ADCY10: variants seen among roughly 807,000 people sequenced by gnomAD.
ADCY10 encodes the protein adenylate cyclase 10.
Under a neutral mutation model 183.3 loss-of-function variants are expected in ADCY10, and 156 were observed. The observed-to-expected ratio is 0.85, with a 90% CI of 0.75 to 0.97. The LOEUF (loss-of-function observed/expected upper bound fraction) is 0.97. ADCY10 is among the 50% of genes least tolerant of loss of function. ADCY10 has a pLI of 0.00. For synonymous variants in ADCY10, 645 were observed against 670.0 expected (o/e 0.96, Z 0.58); for missense variants, 1,745 against 1,934.3 (o/e 0.90, Z 1.84).
intron 30 of ADCY10, chr1:167,820,573 G>A (rs962046143): frequency 2.2e-5 from 6 of 269,826 alleles, no homozygotes; most frequent in African/African-American, 1.3e-4. Context: ...TAAGTTATTT[G>A]ATTTTGAACT....
chr1:167,814,422 A>C (rs1212620971), intron 31 of ADCY10, among the ~76,000 whole-genome samples: 1 of 151,686 alleles, frequency 6.6e-6, no homozygotes, highest in Non-Finnish European at 1.5e-5. Context: ...ATATATAACA[A>C]TTATAAACAT....
intron 11 of ADCY10, among the ~76,000 whole-genome samples, chr1:167,879,366 AG>A (rs1296934045): frequency 1.3e-5 from 2 of 152,190 alleles, no homozygotes; most frequent in Non-Finnish European, 2.9e-5. Flanking sequence ...ACTACAAATG[AG>A]GTAGCAAATG....
At chr1:167,818,484 GAATCCTTGGAA>G (rs1662668298) in intron 30 of ADCY10, 1 of 647,036 alleles carries the variant, frequency 1.5e-6, no homozygotes, top group South Asian at 1.5e-5. Context: ...GAGATGAATA[GAATCCTTGGAA>G]ACACTCAGGT....
At chr1:167,858,875 G>A (rs1278154524) in intron 16 of ADCY10, among the ~76,000 whole-genome samples, 2 of 151,562 alleles carry the variant, frequency 1.3e-5, no homozygotes, top group Non-Finnish European at 2.9e-5. Flanking sequence ...AGAGTTTTTT[G>A]GAAAGCTATG....
At chr1:167,829,238 T>G in intron 26 of ADCY10, 29 bp downstream of exon 26, 1 of 1,613,466 alleles carries the variant, frequency 6.2e-7, no homozygotes, top group Non-Finnish European at 8.5e-7. Context: ...ATTCAGAAAC[T>G]TAAAGGAGCA....
chr1:167,816,819 T>C (rs898082982), intron 31 of ADCY10, among the ~76,000 whole-genome samples: 11 of 152,010 alleles, frequency 7.2e-5, no homozygotes, highest in African/African-American at 2.7e-4. Context: ...AGAAATTCTT[T>C]AGAGAGAAGG....
chr1:167,901,638 A>G lies in ADCY10; in HGVS notation c.436+24T>C, dbSNP rs977424665. 3.1e-6 allele frequency: 5 copies of G among 1,612,940 alleles called. No homozygotes were observed. The East Asian group carries it at 1.1e-4, about 36-fold the overall frequency. On this transcript the variant is annotated intron_variant, in intron 5 of 32. Coordinates refer to ENST00000367851, the MANE Select transcript of ADCY10 (RefSeq NM_018417.6). ...AAGACCCTATCCCAGCTGCCGTAGGATTTATTCCTTCTCAAATGCTTACCT... is the reference window on the plus strand; with the variant it reads ...AAGACCCTATCCCAGCTGCCGTAGGGTTTATTCCTTCTCAAATGCTTACCT...
intron 21 of ADCY10, among the ~76,000 whole-genome samples, chr1:167,840,155 C>T (rs573341971): frequency 2.6e-5 from 4 of 151,758 alleles, no homozygotes; most frequent in African/African-American, 9.7e-5. Flanking sequence ...TGGCTTGAGC[C>T]TGGAAGTTTG....
At chr1:167,850,902 G>A (rs984621229) in intron 18 of ADCY10, among the ~76,000 whole-genome samples, 4 of 152,034 alleles carry the variant, frequency 2.6e-5, no homozygotes, top group African/African-American at 9.7e-5. Context: ...GCCTCATGAA[G>A]CTCACATTCT....
In ADCY10 at chr1:167,856,156, G is replaced by T; in HGVS notation, c.2171+9C>A. The T allele has an allele frequency of 6.2e-7, 1 of 1,613,898 alleles. No individual in the cohort carries two copies. The highest frequency in any genetic ancestry group is 1.1e-5 in the South Asian group (1 of 91,066). ...TGTCGAGAGTTCAGAATAGAAAGAG[G>T]TTACTTACGAGTCCAGTTCTTTGGA... On this transcript the variant is annotated intron_variant, in intron 17 of 32. Transcript: ENST00000367851.
At chr1:167,812,361 C>G (rs1365123716) in intron 31 of ADCY10, among the ~76,000 whole-genome samples, 2 of 152,186 alleles carry the variant, frequency 1.3e-5, no homozygotes, top group African/African-American at 4.8e-5. Context: ...TCAAAAGCAA[C>G]TGCCTATAAA....
At position 167,836,475 on chromosome 1, in the gene ADCY10, G is replaced by GA; in HGVS notation, c.3142dup (p.Ser1048PhefsTer2). 5 of 1,614,154 alleles carry GA rather than the reference G, an allele frequency of 3.1e-6. No homozygotes were observed. The highest frequency in any genetic ancestry group is 1.3e-5 in the African/African-American group (1 of 75,064). ...TTCCAGAGGGATAATGTCTTCGTCA[G>GA]ATGTCTTCATTTTTGTTAAAACGTG... is the stretch of plus-strand genomic sequence containing the variant. On this transcript the variant is annotated frameshift_variant, in exon 23 of 33. Coordinates refer to ENST00000367851, the MANE Select transcript of ADCY10 (RefSeq NM_018417.6). LOFTEE classifies it high-confidence loss of function.
intron 18 of ADCY10, among the ~76,000 whole-genome samples, chr1:167,850,697 G>GTGTGTGTGTGTGTGTGTGTGTGTGTGTA (rs1553267959): frequency 7.0e-6 from 1 of 142,260 alleles, no homozygotes; most frequent in African/African-American, 2.7e-5. Context: ...GTGTGTGTGT[G>GTGTGTGTGTGTGTGTGTGTGTGTGTGTA]TGTGTGTGTG....
intron 16 of ADCY10, among the ~76,000 whole-genome samples, chr1:167,859,214 G>A (rs756107406): frequency 2.8e-4 from 43 of 152,332 alleles, no homozygotes; most frequent in Non-Finnish European, 5.0e-4. Context: ...GTGTTTATAA[G>A]AGAGGTGGGG....
At chr1:167,855,994 C>T (rs537124798) in intron 17 of ADCY10, among the ~76,000 whole-genome samples, 171 bp downstream of exon 17, 2 of 152,064 alleles carry the variant, frequency 1.3e-5, no homozygotes, top group Non-Finnish European at 2.9e-5. Flanking sequence ...CAGAGTAAGA[C>T]CCTGTCTCAA....
At chr1:167,858,497 CAAAAA>C (rs57443879) in intron 16 of ADCY10, among the ~76,000 whole-genome samples, 69 of 70,304 alleles carry the variant, frequency 9.8e-4, no homozygotes, top group Non-Finnish European at 1.6e-3. Flanking sequence ...GACTCTGTCT[CAAAAA>C]AAAAAAAAAA....
At chr1:167,890,342 A>G (rs1274875804) in intron 8 of ADCY10, among the ~76,000 whole-genome samples, 2 of 152,224 alleles carry the variant, frequency 1.3e-5, no homozygotes, top group Non-Finnish European at 2.9e-5. Flanking sequence ...AATAAGATCC[A>G]GAAGAATTCT....
At chr1:167,906,622 CAAAA>C (rs869083786) in intron 1 of ADCY10, among the ~76,000 whole-genome samples, 1 of 109,502 alleles carries the variant, frequency 9.1e-6, no homozygotes, top group African/African-American at 3.2e-5. Flanking sequence ...CCCATCTCTA[CAAAA>C]AAAAAAAAAA....
chr1:167,829,415 CTCT>C lies in ADCY10; in HGVS notation c.3599_3601del (p.Lys1200del). ...AGTTTGCCGGTAAAGTTGTGCCAGC[CTCT>C]TCTTCCTATTGGATAAGGTAAACAC... On this transcript the variant is annotated inframe_deletion, in exon 26 of 33. Coordinates refer to ENST00000367851, the MANE Select transcript of ADCY10 (RefSeq NM_018417.6). 1 of 1,614,134 alleles carries C rather than the reference CTCT, an allele frequency of 6.2e-7. No individual in the cohort carries two copies. Among genetic ancestry groups the C allele is most frequent in the Non-Finnish European group, 8.5e-7 (1 of 1,179,974 alleles).
Sources: allele counts gnomAD v4.1 joint callset (sites outside exome capture counted in the v4.1 genomes callset), GRCh38; gene constraint gnomAD v4.1.1; transcripts MANE v1.5; gene names NCBI Gene and HGNC (gene_info 2026-07-23, HGNC 2026-07-21).